PAK3: variants seen among roughly 807,000 people sequenced by gnomAD.
PAK3 encodes serine/threonine-protein kinase PAK 3.
Under a neutral mutation model 41.0 loss-of-function variants are expected in PAK3, and 4 were observed. The observed-to-expected ratio is 0.10, with a 90% CI of 0.05 to 0.22. The LOEUF (loss-of-function observed/expected upper bound fraction) is 0.22, where lower values mean the gene tolerates loss of function less well. Ranked by LOEUF, PAK3 falls within the 10% of genes least tolerant of loss-of-function variation. PAK3 has a pLI of 1.00. For synonymous variants in PAK3, 146 were observed against 139.6 expected, an observed-to-expected ratio of 1.05 and a Z score of -0.32; for missense variants, 205 against 409.9, an observed-to-expected ratio of 0.50 and a Z score of 4.32.
At chrX:110,962,294 A>G (rs931420492) in intron 1 of PAK3, among the ~76,000 whole-genome samples, 3 of 111,683 alleles carry the variant, frequency 2.7e-5, no homozygotes, top group Non-Finnish European at 5.6e-5. Flanking sequence ...GGAGTCATCC[A>G]AGATTCCTCC....
intron 6 of PAK3, chrX:111,144,883 A>G (rs1603299074): frequency 8.7e-7 from 1 of 1,152,735 alleles, no homozygotes; most frequent in East Asian, 3.0e-5. Context: ...AGACCTCTAG[A>G]CCTGTGACGG....
intron 1 of PAK3, among the ~76,000 whole-genome samples, chrX:110,973,239 A>G (rs1477066593): frequency 9.0e-6 from 1 of 111,460 alleles, no homozygotes; most frequent in African/African-American, 3.3e-5. Context: ...CCTAGAGAAG[A>G]GCAAACCCAA....
At chrX:110,978,094 G>A (rs1475235196) in intron 1 of PAK3, among the ~76,000 whole-genome samples, 1 of 111,523 alleles carries the variant, frequency 9.0e-6, no homozygotes, top group Non-Finnish European at 1.9e-5. Context: ...ATCATAAAAG[G>A]GTGTTAAATT....
At chrX:111,199,996 A>G (rs1051375506) in intron 16 of PAK3, among the ~76,000 whole-genome samples, 4 of 111,524 alleles carry the variant, frequency 3.6e-5, no homozygotes, top group South Asian at 7.6e-4. Flanking sequence ...CAGGCATCAC[A>G]TTGTTTAAAA....
intron 4 of PAK3, 90 bp from the exon 5 acceptor site, chrX:111,122,987 T>C: frequency 1.6e-6 from 1 of 609,413 alleles, no homozygotes; most frequent in Non-Finnish European, 2.9e-6. Flanking sequence ...AGAGCAATGC[T>C]TTTGTTTCTA....
intron 1 of PAK3, among the ~76,000 whole-genome samples, chrX:111,060,243 G>A (rs767054569): frequency 2.2e-4 from 25 of 111,676 alleles, no homozygotes; most frequent in African/African-American, 6.2e-4. Flanking sequence ...ATTGATTTTC[G>A]TATGTTGAAT....
chrX:111,124,976 A>G lies in PAK3; in HGVS notation c.175+1698A>G, dbSNP rs759446453. On this transcript the variant is annotated intron_variant, in intron 5 of 17. Transcript: ENST00000372007. Reference sequence around the variant, plus strand: ...GCATCCTCATGGTAAGGTTGTCTTTATAACTAGCCACATGTCTGAGATTCT... The same window carrying G: ...GCATCCTCATGGTAAGGTTGTCTTTGTAACTAGCCACATGTCTGAGATTCT... Among the ~76,000 whole-genome samples the G allele has an allele frequency of 2.7e-5, 3 of 111,987 alleles. No individual in the cohort carries two copies. In the East Asian group the frequency reaches 8.4e-4, roughly 32 times the overall value.
At chrX:111,215,931 A>G (rs1372102579) in intron 16 of PAK3, among the ~76,000 whole-genome samples, 1 of 112,047 alleles carries the variant, frequency 8.9e-6, no homozygotes, top group Non-Finnish European at 1.9e-5. Context: ...CCCTAATTCT[A>G]TAATGTACTC....
intron 1 of PAK3, among the ~76,000 whole-genome samples, chrX:111,071,613 T>C (rs1225550716): frequency 8.9e-6 from 1 of 112,204 alleles, no homozygotes; most frequent in African/African-American, 3.2e-5. Flanking sequence ...TCATCTCTAG[T>C]AGAGTCTCAA....
chrX:110,967,147 C>T (rs926024589), intron 1 of PAK3, among the ~76,000 whole-genome samples: 1 of 112,405 alleles, frequency 8.9e-6, no homozygotes, highest in Admixed American at 9.4e-5. Context: ...ACCATGTGTC[C>T]CTGACTACAG....
intron 12 of PAK3, 78 bp from the exon 13 acceptor site, chrX:111,192,428 T>C: frequency 1.6e-6 from 1 of 613,886 alleles, no homozygotes; most frequent in Middle Eastern, 3.9e-4. Context: ...TATGTTTCAC[T>C]CTATGTCCCC....
chrX:111,226,206 C>T lies in PAK3; in HGVS notation c.*5759C>T, dbSNP rs1253168222. 9.0e-6 allele frequency: 1 copy of T among 111,071 alleles called. No individual in the cohort carries two copies. The highest frequency in any genetic ancestry group is 2.8e-4 in the East Asian group (1 of 3,551). 9.2% of individuals were successfully genotyped at this position (111,071 alleles called of 1,213,427 possible). On this transcript the variant is annotated 3_prime_UTR_variant, in exon 18 of 18. Coordinates refer to ENST00000372007, the MANE Select transcript of PAK3 (RefSeq NM_002578.5). ...AAAAAAAACTCAAGCAAATGAAGTT[C>T]ATAATAATAGGGGATGTTGATAAAA...
intron 1 of PAK3, among the ~76,000 whole-genome samples, chrX:111,019,730 G>T (rs2092149037): frequency 9.5e-6 from 1 of 104,971 alleles, no homozygotes; most frequent in Non-Finnish European, 1.9e-5. Flanking sequence ...AAAGGGGGGG[G>T]GGCAAATGAT....
intron 1 of PAK3, among the ~76,000 whole-genome samples, chrX:111,073,470 G>A (rs2092761653): frequency 9.0e-6 from 1 of 111,610 alleles, no homozygotes; most frequent in Non-Finnish European, 1.9e-5. Context: ...ATTGGCAAAT[G>A]TTTAGCTAGA....
At chrX:111,031,912 A>G (rs933677313) in intron 1 of PAK3, among the ~76,000 whole-genome samples, 2 of 112,309 alleles carry the variant, frequency 1.8e-5, no homozygotes, top group Admixed American at 9.5e-5. Context: ...ATTTTCCTGT[A>G]ACATTACGGC....
chrX:111,115,207 T>C (rs2093440938), intron 4 of PAK3, among the ~76,000 whole-genome samples: 1 of 112,225 alleles, frequency 8.9e-6, no homozygotes, highest in South Asian at 3.7e-4. Context: ...AGTAAAATAA[T>C]AAGCATTGAG....
At position 111,057,914 on chromosome X, in the gene PAK3, A is replaced by G. The variant is rs968383880; in HGVS notation, c.-27-65163A>G. On this transcript the variant is annotated intron_variant, in intron 1 of 14. Transcript: ENST00000425146. Reference sequence around the variant, plus strand: ...ATTTGCCTATTCTGGACAATTCATAAAAATGGAATCATATAGTATGTGCCC... The same window carrying G: ...ATTTGCCTATTCTGGACAATTCATAGAAATGGAATCATATAGTATGTGCCC... Among the ~76,000 whole-genome samples the G allele has an allele frequency of 2.7e-5, 3 of 112,213 alleles. No individual in the cohort carries two copies. The Admixed American group carries it at 2.8e-4, about 11-fold the overall frequency.
At chrX:111,146,831 T>C (rs1029622361) in intron 6 of PAK3, among the ~76,000 whole-genome samples, 1 of 111,848 alleles carries the variant, frequency 8.9e-6, no homozygotes, top group Non-Finnish European at 1.9e-5. Context: ...GTTGGATAAT[T>C]ATGAAATTGG....
At chrX:111,135,722 G>A (rs949561307) in intron 5 of PAK3, among the ~76,000 whole-genome samples, 2 of 111,683 alleles carry the variant, frequency 1.8e-5, no homozygotes, top group Admixed American at 9.5e-5. Flanking sequence ...GTAGCCATTG[G>A]TCAAGGAGGA....
Sources: gnomAD v4.1 joint callset for allele counts (sites outside exome capture counted in the v4.1 genomes callset) on GRCh38, gnomAD v4.1.1 for gene constraint, MANE v1.5 for transcripts, NCBI Gene and HGNC (gene_info 2026-07-23, HGNC 2026-07-21) for gene names.